The following TENM3 variants were observed in gnomAD, a reference collection of about 807,000 sequenced individuals.
TENM3 encodes the protein teneurin-3.
In TENM3, 63 loss-of-function variants were observed where a neutral mutation model predicts 255.1. The observed-to-expected ratio is 0.25, with a 90% CI of 0.20 to 0.30. The LOEUF (loss-of-function observed/expected upper bound fraction) is 0.30, where lower values mean the gene tolerates loss of function less well. Among genes scored for constraint, TENM3 ranks in the 10% least tolerant of loss-of-function variants. TENM3 has a pLI of 1.00. For synonymous variants in TENM3, 1,306 were observed against 1,322.3 expected (o/e 0.99, Z 0.27); for missense variants, 2,929 against 3,461.1 (o/e 0.85, Z 3.86).
At chr4:182,035,983 CG>C in the TENM3 span, among the ~76,000 whole-genome samples, 1 of 152,100 alleles carries the variant, frequency 6.6e-6, no homozygotes, top group African/African-American at 2.4e-5. Context: ...CCTTCTATCA[CG>C]GGGTCTTGTG....
chr4:182,166,899 A>C (rs1934912547), intron 1 of TENM3, among the ~76,000 whole-genome samples: 1 of 152,118 alleles, frequency 6.6e-6, no homozygotes, highest in Non-Finnish European at 1.5e-5. Flanking sequence ...AAGACTTAGA[A>C]TATCATAAAG....
chr4:182,214,198 A>G (rs1198777079), intron 1 of TENM3, among the ~76,000 whole-genome samples: 1 of 152,238 alleles, frequency 6.6e-6, no homozygotes. Flanking sequence ...TCAAGGAAGC[A>G]TAATACATCA....
At chr4:181,875,348 C>T in the TENM3 span, among the ~76,000 whole-genome samples, 1 of 151,802 alleles carries the variant, frequency 6.6e-6, no homozygotes, top group African/African-American at 2.4e-5. Context: ...AATTTACCTT[C>T]ATTATTCATT....
intron 1 of TENM3, among the ~76,000 whole-genome samples, chr4:182,289,989 A>G (rs183336433): frequency 3.9e-5 from 6 of 152,144 alleles, no homozygotes; most frequent in Non-Finnish European, 7.4e-5. Context: ...CCTCCAGCCA[A>G]GTCACTCCCG....
At chr4:181,635,590 T>A in the TENM3 span, among the ~76,000 whole-genome samples, 1 of 152,184 alleles carries the variant, frequency 6.6e-6, no homozygotes, top group South Asian at 2.1e-4. Context: ...ACAGTGGTTG[T>A]CAAGCTGGGC....
At position 182,789,274 on chromosome 4, in the gene TENM3, T is replaced by C; in HGVS notation, c.5486T>C (p.Ile1829Thr). Reference protein sequence around the residue: ...VNVTYSSTGQIASIQRGTTSE... With the variant: ...VNVTYSSTGQTASIQRGTTSE... The stretch of plus-strand genomic sequence containing the variant: ...GTCACCTATTCATCCACAGGTCAAA[T>C]TGCCAGCATCCAGCGAGGCACCACT... The change falls in exon 25 of 28, where the codon ATT becomes ACT. Residue 1829 changes from isoleucine to threonine, a missense_variant. Coordinates refer to ENST00000511685, the MANE Select transcript of TENM3 (RefSeq NM_001080477.4). This position sits in a 1 kb window ranked among gnomAD's most constrained non-coding sequence, Gnocchi z 4.4. 6.2e-7 allele frequency: 1 copy of C among 1,613,768 alleles called. No homozygotes were observed. Among genetic ancestry groups the C allele is most frequent in the Non-Finnish European group, 8.5e-7 (1 of 1,179,814 alleles).
the TENM3 span, among the ~76,000 whole-genome samples, chr4:181,865,756 T>C: frequency 3.3e-5 from 5 of 152,214 alleles, no homozygotes; most frequent in African/African-American, 4.8e-5. Flanking sequence ...CATAGGTTTG[T>C]AGCGCTTTAG....
intron 3 of TENM3, among the ~76,000 whole-genome samples, chr4:182,530,211 C>G (rs1196300871): frequency 2.0e-5 from 3 of 151,994 alleles, no homozygotes; most frequent in Admixed American, 6.6e-5. Flanking sequence ...AAACTCAGAC[C>G]GCAGGCTCAT....
intron 3 of TENM3, among the ~76,000 whole-genome samples, chr4:182,543,404 A>C (rs1028169586): frequency 1.3e-5 from 2 of 152,182 alleles, no homozygotes; most frequent in African/African-American, 4.8e-5. Flanking sequence ...CATTGCTTCT[A>C]TTTGGAGGTT....
the TENM3 span, among the ~76,000 whole-genome samples, chr4:181,866,838 C>A: frequency 2.0e-5 from 3 of 152,184 alleles, no homozygotes; most frequent in African/African-American, 7.2e-5. Context: ...CCTTCCTCTT[C>A]TCTGATTGCT....
the TENM3 span, among the ~76,000 whole-genome samples, chr4:181,922,315 A>G: frequency 6.6e-6 from 1 of 152,016 alleles, no homozygotes; most frequent in African/African-American, 2.4e-5. Context: ...AATGGTACCA[A>G]TTCCTCCTTG....
At chr4:182,179,596 GTT>G (rs1177478572) in intron 1 of TENM3, among the ~76,000 whole-genome samples, 7 of 152,128 alleles carry the variant, frequency 4.6e-5, no homozygotes, top group Non-Finnish European at 8.8e-5. Context: ...GACTATGGTA[GTT>G]TATAGAAGAG....
At chr4:182,081,583 CAAAAAAAAAAAAA>C in the TENM3 span, among the ~76,000 whole-genome samples, 5 of 87,534 alleles carry the variant, frequency 5.7e-5, no homozygotes, top group African/African-American at 2.3e-4. Flanking sequence ...GGCTCTGCCT[CAAAAAAAAAAAAA>C]AAAAAAAAAG....
At chr4:182,129,937 A>C in the TENM3 span, among the ~76,000 whole-genome samples, 3 of 152,104 alleles carry the variant, frequency 2.0e-5, no homozygotes, top group Non-Finnish European at 4.4e-5. Context: ...GGTATCTCCA[A>C]ATACAGTATA....
At chr4:182,196,179 A>G (rs1579673366) in intron 1 of TENM3, among the ~76,000 whole-genome samples, 1 of 152,050 alleles carries the variant, frequency 6.6e-6, no homozygotes, top group Non-Finnish European at 1.5e-5. Context: ...GAGTGAATGT[A>G]CCTGGGCTGT....
At chr4:181,890,739 A>G in the TENM3 span, among the ~76,000 whole-genome samples, 4 of 152,104 alleles carry the variant, frequency 2.6e-5, no homozygotes, top group Non-Finnish European at 5.9e-5. Flanking sequence ...GGCCCCAACC[A>G]TTTGTATGGA....
the TENM3 span, among the ~76,000 whole-genome samples, chr4:181,953,208 G>C: frequency 6.6e-6 from 1 of 151,946 alleles, no homozygotes; most frequent in Non-Finnish European, 1.5e-5. Context: ...ATAACTCCAT[G>C]AAGTGGATGC....
the TENM3 span, among the ~76,000 whole-genome samples, chr4:181,711,494 A>T: frequency 6.6e-6 from 1 of 152,338 alleles, no homozygotes; most frequent in Non-Finnish European, 1.5e-5. Flanking sequence ...GAAAATGTCA[A>T]ATAGAAACAA....
chr4:181,623,197 A>C, the TENM3 span, among the ~76,000 whole-genome samples: 1 of 152,204 alleles, frequency 6.6e-6, no homozygotes, highest in African/African-American at 2.4e-5. Flanking sequence ...TGCTCTTTAC[A>C]AGCCGTGCGA....
Sources: gnomAD v4.1 joint callset for allele counts (sites outside exome capture counted in the v4.1 genomes callset) on GRCh38, gnomAD v4.1.1 for gene constraint, Gnocchi (gnomAD v3.1) non-coding constraint, MANE v1.5 for transcripts, NCBI Gene and HGNC (gene_info 2026-07-23, HGNC 2026-07-21) for gene names.